The following MICU3 variants were observed in gnomAD, a reference collection of about 807,000 sequenced individuals.
MICU3 encodes the protein mitochondrial calcium uptake 3.
In MICU3, 62 loss-of-function variants were observed where a neutral mutation model predicts 66.5. That is an observed-to-expected ratio of 0.93 (90% CI 0.76 to 1.15). The LOEUF (loss-of-function observed/expected upper bound fraction) is 1.15, where lower values mean the gene tolerates loss of function less well. Ranked by LOEUF, MICU3 falls within the 50% of genes most tolerant of loss-of-function variation. MICU3 has a pLI of 0.00. For synonymous variants in MICU3, 308 were observed against 240.7 expected (o/e 1.28, Z -2.59); for missense variants, 779 against 664.4 (o/e 1.17, Z -1.90).
In MICU3 at chr8:17,119,552, G is replaced by A. The variant is rs868430068; in HGVS notation, c.*1-736G>A. ...TGAAGCATAGATAGATAGATAGATA[G>A]ATAGATAGATAGATAGATAGATAGA... On this transcript the variant is annotated intron_variant, in intron 14 of 14. Transcript: ENST00000318063. Among the ~76,000 whole-genome samples the A allele has an allele frequency of 6.1e-5, 9 of 148,744 alleles. 1 individual carries two copies. The highest frequency in any genetic ancestry group is 2.2e-4 in the African/African-American group (9 of 40,392).
intron 1 of MICU3, among the ~76,000 whole-genome samples, chr8:17,058,466 A>T (rs1214047342): frequency 2.6e-5 from 4 of 152,220 alleles, no homozygotes; most frequent in Non-Finnish European, 5.9e-5. Context: ...GTCATTTGTA[A>T]ACAAGCAAGA....
intron 11 of MICU3, among the ~76,000 whole-genome samples, chr8:17,112,399 T>G (rs2959603): frequency 0.64 from 97,298 of 152,070 alleles, 32,911 homozygotes; most frequent in African/African-American, 0.86. Flanking sequence ...TGATTCTGAG[T>G]GTGAGGATGG....
At chr8:17,125,580 A>G (rs1803384798), downstream of MICU3, among the ~76,000 whole-genome samples, 2 of 152,246 alleles carry the variant, frequency 1.3e-5, no homozygotes, top group East Asian at 3.9e-4. Context: ...ATCAGTATGT[A>G]TAGGTCTTTT....
rs767653174 is a variant in MICU3, at chr8:17,027,408, C to G, written c.129C>G (p.Phe43Leu). ...CCCTGGGCCTTCCTGGCCGGCCCTT[C>G]TCCTCCCGAGAGGATGAGGAGAGGG... ...VTTLGLPGRP[F>L]SSREDEERAV... is the part of the protein sequence containing the mutation. The change falls in exon 1 of 15, where the codon TTC becomes TTG. Residue 43 changes from phenylalanine (F) to leucine (L), a missense_variant. Phe to Leu is a conservative substitution (Grantham distance 22, BLOSUM62 0). Transcript: ENST00000318063. 1.4e-6 allele frequency: 2 copies of G among 1,418,176 alleles called. No individual in the cohort carries two copies. The highest frequency in any genetic ancestry group is 3.4e-5 in the South Asian group (2 of 59,690). The allele number at this position is 1,418,176 out of a possible 1,614,324, so 87.8% of individuals were successfully genotyped here.
At chr8:17,046,879 G>T (rs1815186847) in intron 1 of MICU3, among the ~76,000 whole-genome samples, 2 of 152,154 alleles carry the variant, frequency 1.3e-5, no homozygotes, top group African/African-American at 4.8e-5. Flanking sequence ...GTGGGCTCAG[G>T]GTTAGAAGTT....
chr8:17,055,748 G>T (rs1273493635), intron 1 of MICU3, among the ~76,000 whole-genome samples: 1 of 152,160 alleles, frequency 6.6e-6, no homozygotes, highest in Non-Finnish European at 1.5e-5. Context: ...CCCAGCCCCT[G>T]TCCTAGTACG....
At chr8:17,052,865 C>T (rs1197772800) in intron 1 of MICU3, among the ~76,000 whole-genome samples, 1 of 152,068 alleles carries the variant, frequency 6.6e-6, no homozygotes, top group Middle Eastern at 3.2e-3. Context: ...TTTTTAGCTA[C>T]TTGAATAGAA....
intron 14 of MICU3, among the ~76,000 whole-genome samples, chr8:17,119,331 G>T (rs918614415): frequency 2.6e-5 from 4 of 151,934 alleles, no homozygotes; most frequent in Non-Finnish European, 5.9e-5. Context: ...CCCAAAAAAT[G>T]TGTCAAACTT....
intron 1 of MICU3, 126 bp downstream of exon 1, chr8:17,027,786 G>A (rs945334038): frequency 5.2e-6 from 6 of 1,164,342 alleles, no homozygotes; most frequent in Non-Finnish European, 6.5e-6. Flanking sequence ...TCCCGTGAGC[G>A]AGGCTGACAC....
chr8:17,116,499 G>A lies in MICU3; in HGVS notation c.1423G>A (p.Val475Met). The A allele has an allele frequency of 6.4e-7, 1 of 1,558,542 alleles. No individual in the cohort carries two copies. Among genetic ancestry groups the A allele is most frequent in the Admixed American group, 2.1e-5 (1 of 46,570 alleles). The change falls in exon 13 of 15, where the codon GTG becomes ATG. Residue 475 changes from valine (V) to methionine (M), a missense_variant. By Grantham distance (21) the Val-to-Met change is conservative (BLOSUM62 1). Transcript: ENST00000318063. ...ATGLKFSPHL[V>M]NTVFKIFDVD... ...TGGACTCAAATTTTCACCACATTTA[G>A]TGAACACTGTCTTCAAGATTTTTGA...
At chr8:17,079,870 T>TA (rs1180530080) in intron 4 of MICU3, among the ~76,000 whole-genome samples, 3 of 152,070 alleles carry the variant, frequency 2.0e-5, no homozygotes, top group South Asian at 2.1e-4. Flanking sequence ...ATTTAAATAA[T>TA]AAAAAAATTG....
rs771135515 is a variant in MICU3 at position 17,122,439 on chromosome 8, T to G, written c.*2152T>G. 8.6e-5 allele frequency: 13 copies of G among 151,882 alleles called. No homozygotes were observed. The highest frequency in any genetic ancestry group is 1.8e-4 in the Non-Finnish European group (12 of 67,764). 9.4% of individuals were successfully genotyped at this position (151,882 alleles called of 1,614,324 possible). ...TCTATAAACTGTTCTTTGGAAAAAT[T>G]AAGTTATACATAAAATTCATATTAA... On this transcript the variant is annotated 3_prime_UTR_variant, in exon 15 of 15. Coordinates refer to ENST00000318063, the MANE Select transcript of MICU3 (RefSeq NM_181723.3).
At chr8:17,078,242 A>G (rs886156007) in intron 4 of MICU3, among the ~76,000 whole-genome samples, 41 of 152,078 alleles carry the variant, frequency 2.7e-4, no homozygotes, top group African/African-American at 9.6e-4. Flanking sequence ...TCTTCCTTCC[A>G]TTTTGCTCTG....
Position 17,090,586 on chromosome 8 carries a change from T to C in MICU3, c.888+2T>C. The C allele has an allele frequency of 1.2e-6, 2 of 1,605,102 alleles. No homozygotes were observed. The highest frequency in any genetic ancestry group is 1.7e-6 in the Non-Finnish European group (2 of 1,173,978). ...GGATACCATTCTCCTACTAATAGTGTATGTACAATACTTTAAATGTTCTTT... is the reference window on the plus strand; with the variant it reads ...GGATACCATTCTCCTACTAATAGTGCATGTACAATACTTTAAATGTTCTTT... On this transcript the variant is annotated splice_donor_variant, in intron 8 of 14. Transcript: ENST00000318063. LOFTEE classifies it high-confidence loss of function.
chr8:17,051,082 A>T (rs998570457), intron 1 of MICU3, among the ~76,000 whole-genome samples: 1 of 152,196 alleles, frequency 6.6e-6, no homozygotes, highest in Non-Finnish European at 1.5e-5. Context: ...CTGAAACTTG[A>T]GGAAAAATCA....
At chr8:17,032,824 G>A (rs1033562550) in intron 1 of MICU3, among the ~76,000 whole-genome samples, 18 of 152,232 alleles carry the variant, frequency 1.2e-4, no homozygotes, top group African/African-American at 3.6e-4. Context: ...AACATTATAC[G>A]CGTACTTAAT....
intron 1 of MICU3, among the ~76,000 whole-genome samples, chr8:17,044,415 G>A (rs1814717100): frequency 6.6e-6 from 1 of 152,218 alleles, no homozygotes; most frequent in Non-Finnish European, 1.5e-5. Flanking sequence ...TGTAATTCTA[G>A]TATCTTCTTC....
chr8:17,111,800 C>G (rs1421501059), intron 11 of MICU3, among the ~76,000 whole-genome samples: 1 of 152,142 alleles, frequency 6.6e-6, no homozygotes, highest in Non-Finnish European at 1.5e-5. Context: ...ATGATATTGA[C>G]ATCTATATTA....
the MICU3 span, among the ~76,000 whole-genome samples, chr8:17,130,538 G>C: frequency 6.6e-6 from 1 of 151,834 alleles, no homozygotes; most frequent in Non-Finnish European, 1.5e-5. Flanking sequence ...AAAAGAAAAA[G>C]GCAATTGACT....
Sources: gnomAD v4.1 joint callset for allele counts (sites outside exome capture counted in the v4.1 genomes callset) on GRCh38, gnomAD v4.1.1 for gene constraint, MANE v1.5 for transcripts, NCBI Gene and HGNC (gene_info 2026-07-23, HGNC 2026-07-21) for gene names.